The following SHANK2 variants were observed in gnomAD, a reference collection of about 807,000 sequenced individuals.
SHANK2 encodes the protein SH3 and multiple ankyrin repeat domains 2.
A neutral mutation model predicts 133.7 loss-of-function variants in SHANK2; 43 were observed. The ratio of observed to expected loss-of-function variants is 0.32; its 90% CI spans 0.25 to 0.41. The LOEUF is 0.41. Among genes scored for constraint, SHANK2 ranks in the 10% least tolerant of loss-of-function variants. The pLI, the probability that SHANK2 is intolerant of heterozygous loss-of-function variation, is 1.00. For missense variants in SHANK2, 1,994 were observed against 2,235.8 expected, an observed-to-expected ratio of 0.89 and a Z score of 2.18; for synonymous variants, 1,017 against 952.8, an observed-to-expected ratio of 1.07 and a Z score of -1.24.
intron 10 of SHANK2, among the ~76,000 whole-genome samples, chr11:70,945,754 G>A (rs139636406): frequency 1.1e-3 from 168 of 152,296 alleles, no homozygotes; most frequent in Middle Eastern, 0.01. Context: ...CACCAAAGCT[G>A]CAGGTGCCTG....
intron 10 of SHANK2, among the ~76,000 whole-genome samples, chr11:70,926,981 T>C (rs1196585349): frequency 6.6e-6 from 1 of 152,176 alleles, no homozygotes; most frequent in African/African-American, 2.4e-5. Flanking sequence ...TTCTGCCTCC[T>C]GCTGGGTCCC....
intron 9 of SHANK2, among the ~76,000 whole-genome samples, chr11:71,061,580 C>G (rs1950986342): frequency 6.6e-6 from 1 of 152,168 alleles, no homozygotes; most frequent in Non-Finnish European, 1.5e-5. Flanking sequence ...GTCAATGACA[C>G]AGGTGGGGGT....
intron 17 of SHANK2, among the ~76,000 whole-genome samples, chr11:70,562,054 C>T (rs944143533): frequency 7.9e-5 from 12 of 152,196 alleles, no homozygotes; most frequent in Middle Eastern, 3.4e-3. Context: ...ACTTTGATCC[C>T]GGTGTTATTT....
intron 10 of SHANK2, among the ~76,000 whole-genome samples, chr11:70,905,551 A>G (rs1174899614): frequency 6.6e-6 from 1 of 152,158 alleles, no homozygotes; most frequent in Non-Finnish European, 1.5e-5. Flanking sequence ...TGAGGGTGTT[A>G]GGAGCTGGGG....
At chr11:71,242,896 T>G (rs781985108) in intron 1 of SHANK2, among the ~76,000 whole-genome samples, 1 of 152,200 alleles carries the variant, frequency 6.6e-6, no homozygotes, top group African/African-American at 2.4e-5. Flanking sequence ...CCAACCACAA[T>G]AGAATGAAAT....
chr11:70,622,634 C>T (rs182955328), intron 17 of SHANK2, among the ~76,000 whole-genome samples: 4 of 152,330 alleles, frequency 2.6e-5, no homozygotes, highest in East Asian at 3.9e-4. Context: ...AGCCTCTGCA[C>T]GTGGCCTTCT....
In SHANK2 at chr11:71,202,536, C is replaced by T. The variant is rs1459878176; in HGVS notation, c.-13+22161G>A. ...TCCACACTCAACATCATACCCACAT[C>T]TCAGGCTACCCCTCCTCAGGAGCTG... On this transcript the variant is annotated intron_variant, in intron 2 of 25. Transcript: ENST00000601538. 2.0e-5 allele frequency among the ~76,000 whole-genome samples: 3 copies of T among 152,230 alleles called. No individual in the cohort carries two copies. In the East Asian group the frequency reaches 5.8e-4, roughly 29 times the overall value.
intron 10 of SHANK2, among the ~76,000 whole-genome samples, chr11:70,915,913 G>A (rs1463851259): frequency 6.6e-6 from 1 of 152,082 alleles, no homozygotes; most frequent in Non-Finnish European, 1.5e-5. Context: ...TGTGTTCCCT[G>A]ACCTCCATTT....
intron 17 of SHANK2, among the ~76,000 whole-genome samples, chr11:70,505,616 A>C (rs1240188841): frequency 2.0e-5 from 3 of 152,148 alleles, no homozygotes; most frequent in Non-Finnish European, 2.9e-5. Flanking sequence ...AGGGGGCTCC[A>C]ACCAAGAAAG....
At chr11:70,513,272 AAG>A (rs1228832756) in intron 17 of SHANK2, among the ~76,000 whole-genome samples, 3 of 152,178 alleles carry the variant, frequency 2.0e-5, no homozygotes, top group African/African-American at 4.8e-5. Flanking sequence ...AACTCCAGAA[AAG>A]AGAGAGCCAG....
intron 17 of SHANK2, among the ~76,000 whole-genome samples, chr11:70,600,147 G>A (rs908558621): frequency 2.6e-5 from 4 of 151,974 alleles, no homozygotes; most frequent in East Asian, 1.9e-4. Flanking sequence ...GAGCAGGCAC[G>A]GTGGCTCACA....
At chr11:71,222,877 C>G (rs1356263113) in intron 2 of SHANK2, among the ~76,000 whole-genome samples, 5 of 152,244 alleles carry the variant, frequency 3.3e-5, no homozygotes, top group Admixed American at 1.3e-4. Context: ...TGCTTCTGCA[C>G]AAGGGACAAG....
intron 3 of SHANK2, among the ~76,000 whole-genome samples, chr11:71,138,335 C>T (rs1205317730): frequency 6.6e-6 from 1 of 152,194 alleles, no homozygotes; most frequent in Non-Finnish European, 1.5e-5. Context: ...GTTGCCAGCA[C>T]AGGTAGAGTC....
chr11:70,701,168 G>A (rs190180026), intron 14 of SHANK2, among the ~76,000 whole-genome samples: 146 of 146,068 alleles, frequency 1.0e-3, no homozygotes, highest in Middle Eastern at 3.4e-3. Flanking sequence ...GTGTGTACGC[G>A]TGTGTGTGTG....
At chr11:71,189,837 G>C (rs1953754878) in intron 2 of SHANK2, among the ~76,000 whole-genome samples, 1 of 152,234 alleles carries the variant, frequency 6.6e-6, no homozygotes, top group Admixed American at 6.5e-5. Context: ...ATGAACACGG[G>C]AAAGGCCGCA....
intron 11 of SHANK2, among the ~76,000 whole-genome samples, chr11:70,893,214 C>T (rs1489369450): frequency 6.6e-6 from 1 of 152,180 alleles, no homozygotes; most frequent in East Asian, 1.9e-4. Context: ...ATTCATTCAC[C>T]CAGAAGTTGG....
chr11:70,798,080 C>T (rs1291950162), intron 14 of SHANK2, among the ~76,000 whole-genome samples: 3 of 152,152 alleles, frequency 2.0e-5, no homozygotes, highest in African/African-American at 4.8e-5. Flanking sequence ...AGGAGCATCT[C>T]GCCTGCACAT....
At chr11:71,140,124 C>T (rs1160011157) in intron 3 of SHANK2, among the ~76,000 whole-genome samples, 5 of 152,216 alleles carry the variant, frequency 3.3e-5, no homozygotes, top group Non-Finnish European at 7.3e-5. Flanking sequence ...GGATTTCTCA[C>T]ACGGGAACAA....
At chr11:70,780,076 C>T (rs2135104080) in intron 14 of SHANK2, among the ~76,000 whole-genome samples, 1 of 152,316 alleles carries the variant, frequency 6.6e-6, no homozygotes, top group Admixed American at 6.5e-5. Context: ...AATAAAGCCC[C>T]CATGGAGAAA....
Sources: allele counts gnomAD v4.1 joint callset (sites outside exome capture counted in the v4.1 genomes callset), GRCh38; gene constraint gnomAD v4.1.1; transcripts MANE v1.5; gene names NCBI Gene and HGNC (gene_info 2026-07-23, HGNC 2026-07-21).